Variants in PTPRU observed in about 807,000 individuals in gnomAD.
PTPRU encodes the protein protein tyrosine phosphatase receptor type U.
In PTPRU, 69 loss-of-function variants were observed where a neutral mutation model predicts 166.3. The observed-to-expected ratio is 0.41, with a 90% CI of 0.34 to 0.51. The LOEUF is 0.51. Ranked by LOEUF, PTPRU falls within the 20% of genes least tolerant of loss-of-function variation. The pLI, the probability that PTPRU is intolerant of heterozygous loss-of-function variation, is 0.09. For missense variants in PTPRU, 1,657 were observed against 2,013.7 expected, an observed-to-expected ratio of 0.82 and a Z score of 3.39; for synonymous variants, 793 against 814.0, an observed-to-expected ratio of 0.97 and a Z score of 0.44.
chr1:29,322,760 T>G (rs1688215161), intron 26 of PTPRU, among the ~76,000 whole-genome samples: 1 of 152,126 alleles, frequency 6.6e-6, no homozygotes, highest in Admixed American at 6.6e-5. Flanking sequence ...CTCAGGATAC[T>G]TAGCCTGGAG....
At chr1:29,313,941 T>C (rs973064505) in intron 22 of PTPRU, among the ~76,000 whole-genome samples, 6 of 152,196 alleles carry the variant, frequency 3.9e-5, no homozygotes, top group African/African-American at 1.4e-4. Context: ...CTGGCCTGAA[T>C]TCCCCCATCC....
At chr1:29,246,522 C>T (rs545134188) in intron 1 of PTPRU, among the ~76,000 whole-genome samples, 1 of 152,346 alleles carries the variant, frequency 6.6e-6, no homozygotes, top group Admixed American at 6.5e-5. Context: ...AGGGCCTCTA[C>T]CCTGCAACGA....
At chr1:29,290,425 C>T (rs1372050473) in intron 14 of PTPRU, among the ~76,000 whole-genome samples, 1 of 152,226 alleles carries the variant, frequency 6.6e-6, no homozygotes, top group African/African-American at 2.4e-5. Flanking sequence ...GGATACAACC[C>T]AGGCCCCTGC....
Position 29,323,722 on chromosome 1 carries a change from A to G in PTPRU, c.4046A>G (p.His1349Arg), listed in dbSNP as rs1574737935. Residue 1349 changes from histidine to arginine, a missense_variant, in exon 28 of 30, where the codon CAC becomes CGC. By Grantham distance (29) the His-to-Arg change is conservative. This residue lies in a region of PTPRU where 1,190 missense variants were observed against 1,477.4 expected (regional missense o/e 0.81). Transcript: ENST00000373779. ...CCTGACTCCAAGAAGGCCTTCTTGC[A>G]CCTGCTGGCTGAGGTGGACAAGTGG... Reference protein sequence around the residue: ...DTPDSKKAFLHLLAEVDKWQA... With the variant: ...DTPDSKKAFLRLLAEVDKWQA... 1.2e-6 allele frequency: 2 copies of G among 1,614,092 alleles called. No homozygotes were observed. Among genetic ancestry groups the G allele is most frequent in the Non-Finnish European group, 8.5e-7 (1 of 1,179,992 alleles).
At chr1:29,246,672 A>G (rs1558545079) in intron 1 of PTPRU, among the ~76,000 whole-genome samples, 1 of 151,774 alleles carries the variant, frequency 6.6e-6, no homozygotes, top group Non-Finnish European at 1.5e-5. Flanking sequence ...CTGGAGTGCA[A>G]TGGAGCGGTC....
At chr1:29,274,396 A>G (rs1005657392) in intron 7 of PTPRU, among the ~76,000 whole-genome samples, 2 of 152,176 alleles carry the variant, frequency 1.3e-5, no homozygotes, top group African/African-American at 2.4e-5. Context: ...AACCCCCAAT[A>G]CATGTTAACT....
At position 29,320,612 on chromosome 1, in the gene PTPRU, C is replaced by G. The variant is rs1438465503; in HGVS notation, c.3688-73C>G. ...ACTCAGGGTGGGCAGTGCGGGAAGACAGCCTGGGGCAGAGGCTCAGCCCAG... is the reference window on the plus strand; with the variant it reads ...ACTCAGGGTGGGCAGTGCGGGAAGAGAGCCTGGGGCAGAGGCTCAGCCCAG... On this transcript the variant is annotated intron_variant, in intron 25 of 29. Coordinates refer to ENST00000373779, the MANE Select transcript of PTPRU (RefSeq NM_133178.4). The surrounding 1 kb of genome is among the most constrained non-coding windows in gnomAD (Gnocchi z 5.2). The G allele has an allele frequency of 8.3e-6, 12 of 1,445,968 alleles. No homozygotes were observed. The highest frequency in any genetic ancestry group is 1.1e-5 in the Non-Finnish European group (12 of 1,084,632). 89.6% of individuals were successfully genotyped at this position (1,445,968 alleles called of 1,614,324 possible).
At chr1:29,281,424 C>T (rs1686078568) in intron 11 of PTPRU, among the ~76,000 whole-genome samples, 2 of 152,108 alleles carry the variant, frequency 1.3e-5, no homozygotes, top group Admixed American at 6.6e-5. Context: ...CTGTGAGCAG[C>T]ACTGGTCAGG....
At position 29,269,240 on chromosome 1, in the gene PTPRU, ATATATATTTTTTTTTTTT is replaced by A. The variant is rs1685443036; in HGVS notation, c.1145-6206_1145-6189del. 1.3e-4 allele frequency among the ~76,000 whole-genome samples: 4 copies of A among 31,846 alleles called. No homozygotes were observed. The South Asian group carries it at 5.0e-3, about 40-fold the overall frequency. The allele number at this position is 31,846 out of a possible 152,430, so 20.9% of individuals were successfully genotyped here. On this transcript the variant is annotated intron_variant, in intron 7 of 29. Transcript: ENST00000373779. ...TATACATATATATATATATATATATATATATATTTTTTTTTTTTTTTTTTTTTTTTTTTTTGTAGAGAC... is the reference window on the plus strand; with the variant it reads ...TATACATATATATATATATATATATATTTTTTTTTTTTTTTTTGTAGAGAC...
chr1:29,244,450 G>A (rs1684198763), intron 1 of PTPRU, among the ~76,000 whole-genome samples: 1 of 152,204 alleles, frequency 6.6e-6, no homozygotes, highest in South Asian at 2.1e-4. Context: ...GATAAGAGGT[G>A]ACAACTGGGA....
chr1:29,272,926 AAG>A (rs1685633609), intron 7 of PTPRU, among the ~76,000 whole-genome samples: 3 of 150,616 alleles, frequency 2.0e-5, no homozygotes, highest in Non-Finnish European at 4.4e-5. Context: ...AAAAAAAAAA[AAG>A]AAAAAAAAAT....
chr1:29,267,779 A>G (rs1476455776), intron 7 of PTPRU, among the ~76,000 whole-genome samples: 2 of 152,186 alleles, frequency 1.3e-5, no homozygotes, highest in East Asian at 1.9e-4. Flanking sequence ...CTTTTGTTTA[A>G]AAGGATCACT....
At chr1:29,284,049 T>C in intron 13 of PTPRU, 73 bp downstream of exon 13, 3 of 1,567,362 alleles carry the variant, frequency 1.9e-6, no homozygotes, top group Non-Finnish European at 2.6e-6. Flanking sequence ...AGGTGGATCC[T>C]GAGGACCTAC....
At chr1:29,322,073 A>G (rs1688185102) in intron 26 of PTPRU, among the ~76,000 whole-genome samples, 1 of 152,196 alleles carries the variant, frequency 6.6e-6, no homozygotes, top group Non-Finnish European at 1.5e-5. Context: ...GATTGCATTA[A>G]CTGGGCTCTT....
At chr1:29,250,455 C>T (rs1684499613) in intron 1 of PTPRU, among the ~76,000 whole-genome samples, 1 of 152,196 alleles carries the variant, frequency 6.6e-6, no homozygotes, top group Non-Finnish European at 1.5e-5. Flanking sequence ...CTTGAGTAAG[C>T]AGCTGTATCT....
chr1:29,313,254 T>C (rs1687750642), intron 22 of PTPRU, among the ~76,000 whole-genome samples: 1 of 152,166 alleles, frequency 6.6e-6, no homozygotes, highest in South Asian at 2.1e-4. Flanking sequence ...GCCTGCCCTC[T>C]GTCTCCCCCT....
At position 29,260,223 on chromosome 1, in the gene PTPRU, A is replaced by T; in HGVS notation, c.850+179A>T. On this transcript the variant is annotated intron_variant, in intron 6 of 29. Transcript: ENST00000373779. The surrounding 1 kb of genome is among the most constrained non-coding windows in gnomAD (Gnocchi z 8.3). ...AGTGGCCCAGCCGGGATGAGATCTG[A>T]TCTAGGGGTCGGGGCTGGCTTCGAG... 1.4e-6 allele frequency: 1 copy of T among 718,526 alleles called. No individual in the cohort carries two copies. The highest frequency in any genetic ancestry group is 2.0e-6 in the Non-Finnish European group (1 of 492,036). The allele number at this position is 718,526 out of a possible 1,614,324, so 44.5% of individuals were successfully genotyped here.
intron 1 of PTPRU, among the ~76,000 whole-genome samples, chr1:29,241,582 TC>T (rs1013227927): frequency 1.8e-4 from 22 of 121,308 alleles, no homozygotes; most frequent in South Asian, 2.2e-4. Context: ...TTTTTTTTTT[TC>T]TTCTTCTTCT....
chr1:29,269,609 G>A (rs1158759957), intron 7 of PTPRU, among the ~76,000 whole-genome samples: 2 of 152,106 alleles, frequency 1.3e-5, no homozygotes, highest in African/African-American at 4.8e-5. Flanking sequence ...CCCTGCTTAG[G>A]CGCGTTGGCC....
Sources: gnomAD v4.1 joint callset for allele counts (sites outside exome capture counted in the v4.1 genomes callset) on GRCh38, gnomAD v4.1.1 for gene constraint, gnomAD v4.1.1 regional missense constraint, Gnocchi (gnomAD v3.1) non-coding constraint, MANE v1.5 for transcripts, NCBI Gene and HGNC (gene_info 2026-07-23, HGNC 2026-07-21) for gene names.